The following ZC3H12B variants were observed in gnomAD, a reference collection of about 807,000 sequenced individuals.
The protein encoded by ZC3H12B is probable ribonuclease ZC3H12B.
In ZC3H12B, 7 loss-of-function variants were observed where a neutral mutation model predicts 43.9. That is an observed-to-expected ratio of 0.16 (90% CI 0.09 to 0.30). The LOEUF is 0.30. Among genes scored for constraint, ZC3H12B ranks in the 10% least tolerant of loss-of-function variants. The pLI is 1.00. For missense variants in ZC3H12B, 475 were observed against 670.2 expected (o/e 0.71, Z 3.22); for synonymous variants, 222 against 241.7 (o/e 0.92, Z 0.76).
intron 3 of ZC3H12B, among the ~76,000 whole-genome samples, chrX:65,410,859 G>A (rs186525672): frequency 1.8e-5 from 2 of 112,393 alleles, no homozygotes; most frequent in East Asian, 5.6e-4. Flanking sequence ...ACTGTTGGTG[G>A]AAATGTACAG....
intron 3 of ZC3H12B, among the ~76,000 whole-genome samples, chrX:65,407,377 G>A (rs1337799475): frequency 5.3e-5 from 6 of 112,487 alleles, no homozygotes; most frequent in Non-Finnish European, 1.1e-4. Flanking sequence ...CACGGGGCGT[G>A]CCGAGCCGCC....
At chrX:65,461,738 A>T (rs1012706341) in intron 3 of ZC3H12B, among the ~76,000 whole-genome samples, 13 of 111,547 alleles carry the variant, frequency 1.2e-4, no homozygotes, top group South Asian at 3.8e-4. Context: ...GCATTAGGAG[A>T]TATACCTAAT....
chrX:65,370,371 C>T (rs1039321509), intron 2 of ZC3H12B, among the ~76,000 whole-genome samples: 1 of 111,225 alleles, frequency 9.0e-6, no homozygotes, highest in Non-Finnish European at 1.9e-5. Flanking sequence ...TTTACTCTCT[C>T]GGAGTCTCAG....
At chrX:65,401,653 G>C (rs2066763928) in intron 3 of ZC3H12B, among the ~76,000 whole-genome samples, 1 of 111,877 alleles carries the variant, frequency 8.9e-6, no homozygotes, top group Non-Finnish European at 1.9e-5. Flanking sequence ...AGGCTGCACA[G>C]CTTGAGGCTC....
At chrX:65,320,067 A>G in the ZC3H12B span, among the ~76,000 whole-genome samples, 1 of 111,481 alleles carries the variant, frequency 9.0e-6, no homozygotes, top group Non-Finnish European at 1.9e-5. Flanking sequence ...CAGGCAAGAG[A>G]AAGACATAGC....
chrX:65,116,909 A>G, the ZC3H12B span, among the ~76,000 whole-genome samples: 1 of 112,207 alleles, frequency 8.9e-6, no homozygotes, highest in Non-Finnish European at 1.9e-5. Context: ...TTATGACTGC[A>G]TAGTATTCCA....
chrX:65,036,477 C>T, the ZC3H12B span, among the ~76,000 whole-genome samples: 1 of 111,131 alleles, frequency 9.0e-6, no homozygotes, highest in Non-Finnish European at 1.9e-5. Context: ...ATATAGATGC[C>T]ATTTATGATT....
the ZC3H12B span, among the ~76,000 whole-genome samples, chrX:65,315,753 A>T: frequency 8.9e-6 from 1 of 112,269 alleles, no homozygotes; most frequent in Non-Finnish European, 1.9e-5. Flanking sequence ...CAACTTAAAC[A>T]GCCTGAGTGT....
At chrX:65,136,624 C>T in the ZC3H12B span, among the ~76,000 whole-genome samples, 2 of 111,161 alleles carry the variant, frequency 1.8e-5, no homozygotes, top group Admixed American at 1.9e-4. Context: ...TTTGTTGAGA[C>T]TTTTATTGTC....
chrX:65,389,841 C>G (rs993067574), intron 2 of ZC3H12B, among the ~76,000 whole-genome samples: 1 of 112,421 alleles, frequency 8.9e-6, no homozygotes, highest in African/African-American at 3.2e-5. Flanking sequence ...TTGTGGAAGA[C>G]AGTGTGGTGA....
At chrX:65,217,302 G>T in the ZC3H12B span, among the ~76,000 whole-genome samples, 1 of 112,009 alleles carries the variant, frequency 8.9e-6, no homozygotes, top group African/African-American at 3.2e-5. Flanking sequence ...AATACTCATT[G>T]TCCTTTGAAT....
intron 3 of ZC3H12B, among the ~76,000 whole-genome samples, chrX:65,445,846 C>A (rs1414016250): frequency 1.8e-5 from 2 of 112,176 alleles, no homozygotes; most frequent in Non-Finnish European, 3.8e-5. Flanking sequence ...TTTATTGTTG[C>A]TAAGCTCATA....
the ZC3H12B span, among the ~76,000 whole-genome samples, chrX:65,227,914 C>A: frequency 9.0e-6 from 1 of 111,500 alleles, no homozygotes; most frequent in Admixed American, 9.5e-5. Flanking sequence ...AAAAAAGAGA[C>A]CAGGACCAGA....
intron 3 of ZC3H12B, among the ~76,000 whole-genome samples, chrX:65,465,900 GATATA>G (rs1359848310): frequency 4.6e-5 from 5 of 108,430 alleles, no homozygotes; most frequent in African/African-American, 1.0e-4. Context: ...ATATTTTTTT[GATATA>G]ATATATTCAT....
intron 2 of ZC3H12B, among the ~76,000 whole-genome samples, chrX:65,392,965 A>C (rs764134086): frequency 8.9e-6 from 1 of 112,000 alleles, no homozygotes; most frequent in East Asian, 2.8e-4. Flanking sequence ...TGCTCTCTGA[A>C]ACATGTGCTA....
upstream of ZC3H12B, among the ~76,000 whole-genome samples, chrX:65,364,729 C>G (rs948195909): frequency 9.0e-6 from 1 of 111,608 alleles, no homozygotes; most frequent in Non-Finnish European, 1.9e-5. Flanking sequence ...CCTCTCATTT[C>G]TTTTCCATCA....
At chrX:65,376,416 T>G (rs1271274518) in intron 2 of ZC3H12B, among the ~76,000 whole-genome samples, 4 of 111,442 alleles carry the variant, frequency 3.6e-5, no homozygotes, top group Non-Finnish European at 7.5e-5. Flanking sequence ...CCCTCTGGCC[T>G]TGAGTGAAAA....
chrX:65,183,837 A>G, the ZC3H12B span, among the ~76,000 whole-genome samples: 1 of 111,612 alleles, frequency 9.0e-6, no homozygotes, highest in Non-Finnish European at 1.9e-5. Context: ...TTCAAGGAAT[A>G]TTTATAGATA....
chrX:65,123,316 G>C, the ZC3H12B span, among the ~76,000 whole-genome samples: 2 of 111,386 alleles, frequency 1.8e-5, no homozygotes, highest in Non-Finnish European at 3.8e-5. Context: ...TGTGCTGCTG[G>C]ATTCGGTTTG....
Sources: allele counts gnomAD v4.1 joint callset (sites outside exome capture counted in the v4.1 genomes callset), GRCh38; gene constraint gnomAD v4.1.1; transcripts MANE v1.5; gene names NCBI Gene and HGNC (gene_info 2026-07-23, HGNC 2026-07-21).